SMC3: variants seen among roughly 807,000 people sequenced by gnomAD.
The protein encoded by SMC3 is structural maintenance of chromosomes protein 3.
In SMC3, 20 loss-of-function variants were observed where a neutral mutation model predicts 171.8. That is an observed-to-expected ratio of 0.12 (90% confidence interval 0.08 to 0.17). SMC3 has a LOEUF of 0.17. Among genes scored for constraint, SMC3 ranks in the 10% least tolerant of loss-of-function variants. The pLI is 1.00. For missense variants in SMC3, 543 were observed against 1,420.4 expected (o/e 0.38, Z 9.93); for synonymous variants, 464 against 451.1 (o/e 1.03, Z -0.36).
rs769269456 is a variant in SMC3 at position 110,601,058 on chromosome 10, G to C, written c.2572G>C (p.Val858Leu). The change falls in exon 23 of 29, where the codon GTT becomes CTT. Residue 858 changes from valine to leucine, a missense_variant. Val to Leu is a conservative substitution (Grantham distance 32). This residue lies in a region of SMC3 where 33 missense variants were observed against 33.6 expected (regional missense o/e 0.98). Coordinates refer to ENST00000361804, the MANE Select transcript of SMC3 (RefSeq NM_005445.4). ...GCTGAGAGAGACAGAAGGGGGTACTGTTCTCACAGCCACAACATCAGAACT... is the reference window on the plus strand; with the variant it reads ...GCTGAGAGAGACAGAAGGGGGTACTCTTCTCACAGCCACAACATCAGAACT... ...NELRETEGGT[V>L]LTATTSELEA... The C allele has an allele frequency of 4.3e-6, 7 of 1,613,522 alleles. No homozygotes were observed. The highest frequency in any genetic ancestry group is 2.2e-5 in the East Asian group (1 of 44,796).
chr10:110,568,228 T>C, intron 1 of SMC3: 1 of 285,636 alleles, frequency 3.5e-6, no homozygotes, highest in South Asian at 4.7e-5. Flanking sequence ...ACACGGCCCA[T>C]GTGCCTGGGA....
chr10:110,581,298 A>G (rs535245159), intron 8 of SMC3, among the ~76,000 whole-genome samples: 1 of 149,142 alleles, frequency 6.7e-6, no homozygotes, highest in Non-Finnish European at 1.5e-5. Context: ...GCTTATTGCA[A>G]CCTCTGCCTC....
chr10:110,598,604 C>T (rs1229251366), intron 20 of SMC3, among the ~76,000 whole-genome samples: 1 of 152,080 alleles, frequency 6.6e-6, no homozygotes. Flanking sequence ...TGGGGTTTCA[C>T]CATGTTGTCC....
In SMC3 at chr10:110,568,991, C is replaced by T. The variant is rs756514651; in HGVS notation, c.69C>T (p.Phe23=). Residue 23 remains phenylalanine (F), a synonymous_variant, in exon 2 of 29, where the codon TTC becomes TTT. Coordinates refer to ENST00000361804, the MANE Select transcript of SMC3 (RefSeq NM_005445.4). ...GAGATCAAACAATTGTAGATCCCTT[C>T]AGTTCAAAACATAATGTGATTGGTA... The part of the protein sequence containing the change: ...SYRDQTIVDP[F]SSKHNVIVGR... 2 of 1,602,744 alleles carry T rather than the reference C, an allele frequency of 1.2e-6. No homozygotes were observed. The highest frequency in any genetic ancestry group is 1.7e-6 in the Non-Finnish European group (2 of 1,169,952).
intron 1 of SMC3, 114 bp downstream of exon 1, chr10:110,567,945 G>T (rs1860799578): frequency 6.8e-6 from 9 of 1,320,582 alleles, no homozygotes; most frequent in Non-Finnish European, 9.7e-6. Context: ...GCTGGACCAG[G>T]GCTGGGCGGG....
At chr10:110,602,209 C>G (rs1316387976) in intron 25 of SMC3, 31 bp downstream of exon 25, 2 of 1,551,024 alleles carry the variant, frequency 1.3e-6, no homozygotes, top group Non-Finnish European at 1.8e-6. Context: ...AAAACATACA[C>G]ACAGAGGACA....
intron 18 of SMC3, among the ~76,000 whole-genome samples, chr10:110,593,694 T>C (rs1861246456): frequency 6.6e-6 from 1 of 151,696 alleles, no homozygotes; most frequent in Non-Finnish European, 1.5e-5. Context: ...AATTCATCCT[T>C]TGCCTTTGGC....
At chr10:110,573,827 G>A (rs879787008) in intron 3 of SMC3, 82 bp downstream of exon 3, 33 of 985,766 alleles carry the variant, frequency 3.3e-5, no homozygotes, top group Non-Finnish European at 5.4e-5. Context: ...ATTTTCTGAG[G>A]TTATGTATTC....
At chr10:110,578,455 C>G (rs967485065) in intron 6 of SMC3, among the ~76,000 whole-genome samples, 173 bp from the exon 7 acceptor site, 8 of 152,194 alleles carry the variant, frequency 5.3e-5, no homozygotes, top group African/African-American at 1.9e-4. Context: ...TCATCTTCAA[C>G]AAGTCAACAT....
chr10:110,567,966 G>C, intron 1 of SMC3, 135 bp downstream of exon 1: 1 of 1,102,792 alleles, frequency 9.1e-7, no homozygotes, highest in Non-Finnish European at 1.3e-6. Flanking sequence ...GACTGTGGGG[G>C]AGGAGGGAGA....
Position 110,604,857 on chromosome 10 carries a change from C to T in SMC3, c.*555C>T, listed in dbSNP as rs540734163. Among the ~76,000 whole-genome samples the T allele has an allele frequency of 2.0e-5, 3 of 152,300 alleles. No homozygotes were observed. The East Asian group carries it at 5.8e-4, about 29-fold the overall frequency. On this transcript the variant is annotated 3_prime_UTR_variant, in exon 29 of 29. Coordinates refer to ENST00000361804, the MANE Select transcript of SMC3 (RefSeq NM_005445.4). ...TGGTATATTTATCATTGATACATTA[C>T]TATCAACTAAGCTCAAGATTTTATT...
intron 26 of SMC3, 79 bp from the exon 27 acceptor site, chr10:110,602,746 C>A: frequency 6.4e-7 from 1 of 1,552,866 alleles, no homozygotes; most frequent in Non-Finnish European, 8.9e-7. Context: ...CTGATTGGTG[C>A]ATTATATGCA....
intron 13 of SMC3, among the ~76,000 whole-genome samples, chr10:110,587,713 T>C (rs955589924): frequency 4.0e-5 from 6 of 151,318 alleles, no homozygotes; most frequent in Admixed American, 2.0e-4. Context: ...AAAAGAAATA[T>C]TGTAAGCTGT....
intron 7 of SMC3, among the ~76,000 whole-genome samples, chr10:110,580,605 C>A (rs980451532): frequency 2.0e-5 from 3 of 152,318 alleles, no homozygotes; most frequent in South Asian, 4.1e-4. Flanking sequence ...ATTCAAAAGT[C>A]TGAAATACAG....
Position 110,589,971 on chromosome 10 carries a change from C to T in SMC3, c.1489C>T (p.Leu497Phe). ...AGATCTTGAAAAGAAGCAACAACTT[C>T]TTAGAGCAGCAACAGGAAAGGTGGG... The part of the protein sequence containing the change: ...REDLEKKQQL[L>F]RAATGKAILN... The change falls in exon 15 of 29, where the codon CTT becomes TTT. Residue 497 changes from leucine to phenylalanine, a missense_variant. Physicochemically the swap from Leu to Phe is conservative, Grantham distance 22. This residue lies in a region of SMC3 where 218 missense variants were observed against 509.6 expected (regional missense o/e 0.43). Coordinates refer to ENST00000361804, the MANE Select transcript of SMC3 (RefSeq NM_005445.4). The T allele has an allele frequency of 6.2e-7, 1 of 1,613,920 alleles. No individual in the cohort carries two copies. Among genetic ancestry groups the T allele is most frequent in the Middle Eastern group, 1.7e-4 (1 of 6,058 alleles).
chr10:110,605,634 ATTAT>A lies in SMC3; in HGVS notation c.*1337_*1340del, dbSNP rs1250832246. On this transcript the variant is annotated 3_prime_UTR_variant, in exon 29 of 29. Transcript: ENST00000361804. ...GGCTGAATCTTTAAATGTTCGGTGT[ATTAT>A]TTATACTTTGTAGCTTTGCTATAAC... Among the ~76,000 whole-genome samples the A allele has an allele frequency of 6.6e-6, 1 of 152,172 alleles. No individual in the cohort carries two copies. Among genetic ancestry groups the A allele is most frequent in the Non-Finnish European group, 1.5e-5 (1 of 67,996 alleles).
chr10:110,592,902 C>G (rs1161282430), intron 17 of SMC3, among the ~76,000 whole-genome samples, 171 bp from the exon 18 acceptor site: 1 of 152,154 alleles, frequency 6.6e-6, no homozygotes, highest in Admixed American at 6.5e-5. Flanking sequence ...GCAAAATTAC[C>G]AGGATATTCT....
intron 2 of SMC3, among the ~76,000 whole-genome samples, chr10:110,573,261 G>C (rs983880048): frequency 6.6e-6 from 1 of 151,676 alleles, no homozygotes; most frequent in Non-Finnish European, 1.5e-5. Context: ...GGTTCTGTGA[G>C]ACTACACATG....
At chr10:110,599,600 CTATAAGTAAT>C (rs1861356310) in intron 20 of SMC3, 44 bp from the exon 21 acceptor site, 2 of 1,503,710 alleles carry the variant, frequency 1.3e-6, no homozygotes, top group Non-Finnish European at 1.8e-6. Context: ...AAAATTTTCA[CTATAAGTAAT>C]ACAGTGGCTA....
Sources: allele counts gnomAD v4.1 joint callset (sites outside exome capture counted in the v4.1 genomes callset), GRCh38; gene constraint gnomAD v4.1.1; regional missense constraint gnomAD v4.1.1; transcripts MANE v1.5; gene names NCBI Gene and HGNC (gene_info 2026-07-23, HGNC 2026-07-21).